NPAS3: variants seen among roughly 807,000 people sequenced by gnomAD.
The protein encoded by NPAS3 is neuronal PAS domain-containing protein 3.
NPAS3 carries 14 observed loss-of-function variants against 73.1 expected under a neutral mutation model. That is an observed-to-expected ratio of 0.19 (90% CI 0.13 to 0.30). The LOEUF is 0.30. Among genes scored for constraint, NPAS3 ranks in the 10% least tolerant of loss-of-function variants. The pLI is 1.00. For missense variants in NPAS3, 1,096 were observed against 1,250.0 expected (o/e 0.88, Z 1.86); for synonymous variants, 620 against 541.5 (o/e 1.14, Z -2.01).
chr14:33,798,724 G>C (rs1397379964), intron 11 of NPAS3, among the ~76,000 whole-genome samples: 1 of 152,140 alleles, frequency 6.6e-6, no homozygotes, highest in Non-Finnish European at 1.5e-5. Context: ...GACATAAAAA[G>C]TTCTAGAATT....
intron 4 of NPAS3, among the ~76,000 whole-genome samples, chr14:33,373,844 C>T (rs2046202438): frequency 6.6e-6 from 1 of 152,068 alleles, no homozygotes; most frequent in South Asian, 2.1e-4. Context: ...GAGTAAGAGC[C>T]TCCAAGAACA....
chr14:33,337,745 TA>T (rs35247671), intron 3 of NPAS3, among the ~76,000 whole-genome samples: 5 of 152,120 alleles, frequency 3.3e-5, no homozygotes, highest in Non-Finnish European at 5.9e-5. Context: ...TTTAAATCTT[TA>T]AAAATATTTA....
At chr14:33,313,118 C>G (rs2043071740) in intron 3 of NPAS3, among the ~76,000 whole-genome samples, 1 of 151,856 alleles carries the variant, frequency 6.6e-6, no homozygotes, top group Non-Finnish European at 1.5e-5. Flanking sequence ...TAAAGAATAG[C>G]TAGGATGGAA....
intron 1 of NPAS3, among the ~76,000 whole-genome samples, chr14:32,941,308 C>CT (rs1405877142): frequency 1.4e-5 from 1 of 72,458 alleles, no homozygotes; most frequent in Non-Finnish European, 2.9e-5. Flanking sequence ...TCCCTCCCTC[C>CT]CTCCTTCCTT....
At chr14:33,038,015 T>G (rs2040227546) in intron 1 of NPAS3, among the ~76,000 whole-genome samples, 2 of 152,112 alleles carry the variant, frequency 1.3e-5, no homozygotes. Flanking sequence ...TGTGTGTAGA[T>G]TCTTATTTGT....
At chr14:33,595,089 A>G (rs778989662) in intron 5 of NPAS3, among the ~76,000 whole-genome samples, 1 of 152,144 alleles carries the variant, frequency 6.6e-6, no homozygotes, top group African/African-American at 2.4e-5. Context: ...TTTGCCTCCA[A>G]TTTTTTCCTC....
intron 5 of NPAS3, among the ~76,000 whole-genome samples, chr14:33,656,784 C>T (rs1351517597): frequency 6.6e-6 from 1 of 152,142 alleles, no homozygotes; most frequent in Non-Finnish European, 1.5e-5. Context: ...CTGTAGTCTC[C>T]ATGCTGTACA....
intron 2 of NPAS3, among the ~76,000 whole-genome samples, chr14:33,093,230 G>A (rs570087955): frequency 6.6e-6 from 1 of 152,090 alleles, no homozygotes; most frequent in African/African-American, 2.4e-5. Flanking sequence ...TCTGACAAAG[G>A]GCTAATATCC....
At chr14:33,516,984 C>T (rs900266844) in intron 4 of NPAS3, among the ~76,000 whole-genome samples, 6 of 152,014 alleles carry the variant, frequency 3.9e-5, no homozygotes, top group South Asian at 2.1e-4. Context: ...GATTAGTTTA[C>T]GATCTACTGA....
chr14:33,219,021 C>T (rs1187916512), intron 3 of NPAS3, among the ~76,000 whole-genome samples: 5 of 152,126 alleles, frequency 3.3e-5, no homozygotes, highest in South Asian at 2.1e-4. Context: ...AGTTTTTTCC[C>T]TTATTTTAGA....
At chr14:33,163,872 C>T (rs1000451036) in intron 2 of NPAS3, among the ~76,000 whole-genome samples, 16 of 152,238 alleles carry the variant, frequency 1.1e-4, no homozygotes, top group African/African-American at 3.4e-4. Flanking sequence ...TGTTCCACAT[C>T]AGTGCTTTCA....
At chr14:33,626,475 T>C (rs1220688423) in intron 5 of NPAS3, among the ~76,000 whole-genome samples, 1 of 152,234 alleles carries the variant, frequency 6.6e-6, no homozygotes, top group Non-Finnish European at 1.5e-5. Flanking sequence ...AGGCAATTAA[T>C]ACTTAACACC....
rs186083168 is a variant in NPAS3 at position 33,442,937 on chromosome 14, A to G, written c.468+75669A>G. 4.3e-4 allele frequency among the ~76,000 whole-genome samples: 65 copies of G among 152,282 alleles called. 1 individual carries two copies. Among genetic ancestry groups the G allele is most frequent in the Admixed American group, 2.7e-3 (42 of 15,300 alleles). On this transcript the variant is annotated intron_variant, in intron 4 of 11. Transcript: ENST00000356141. ...CTTAAAGAGGTAAGGTTGAATCTTG[A>G]TAATTTGATAATTTACCCTTACCTG...
intron 1 of NPAS3, among the ~76,000 whole-genome samples, chr14:32,981,854 C>A (rs529681420): frequency 6.6e-6 from 1 of 152,300 alleles, no homozygotes; most frequent in South Asian, 2.1e-4. Context: ...AGGCCGTTTT[C>A]TTTTCCCTTT....
intron 2 of NPAS3, among the ~76,000 whole-genome samples, chr14:33,208,239 G>C (rs942422741): frequency 8.5e-5 from 13 of 152,134 alleles, no homozygotes; most frequent in African/African-American, 3.1e-4. Flanking sequence ...TGGTCTTGCT[G>C]TGGTTTATTC....
chr14:33,200,320 T>G (rs75492277), intron 2 of NPAS3, among the ~76,000 whole-genome samples: 1,936 of 152,188 alleles, frequency 0.013, 38 homozygotes, highest in African/African-American at 0.043. Flanking sequence ...AATAGTAAGT[T>G]TAACTTTGAT....
chr14:33,296,680 C>A (rs953203534), intron 3 of NPAS3, among the ~76,000 whole-genome samples: 5 of 152,166 alleles, frequency 3.3e-5, no homozygotes, highest in African/African-American at 1.2e-4. Flanking sequence ...CCTATGATAG[C>A]CACAGAATTC....
chr14:33,511,383 C>T (rs550412497), intron 4 of NPAS3, among the ~76,000 whole-genome samples: 14 of 152,084 alleles, frequency 9.2e-5, no homozygotes, highest in African/African-American at 2.2e-4. Flanking sequence ...TGATCCCTTT[C>T]GGCAGGTTTC....
chr14:33,272,603 G>A (rs1055440037), intron 3 of NPAS3, among the ~76,000 whole-genome samples: 3 of 152,194 alleles, frequency 2.0e-5, no homozygotes, highest in East Asian at 1.9e-4. Flanking sequence ...TTTTAATAGA[G>A]ATGGGGTTTC....
Sources: gnomAD v4.1 joint callset for allele counts (sites outside exome capture counted in the v4.1 genomes callset) on GRCh38, gnomAD v4.1.1 for gene constraint, MANE v1.5 for transcripts, NCBI Gene and HGNC (gene_info 2026-07-23, HGNC 2026-07-21) for gene names.